The following ANKFN1 variants were observed in gnomAD, a reference collection of about 807,000 sequenced individuals.
The protein encoded by ANKFN1 is ankyrin repeat and fibronectin type III domain containing 1.
In ANKFN1, 74 loss-of-function variants were observed where a neutral mutation model predicts 108.7. The observed-to-expected ratio is 0.68, with a 90% CI of 0.56 to 0.83. The LOEUF is 0.83. ANKFN1 is among the 40% of genes least tolerant of loss of function. The probability of loss-of-function intolerance (pLI) is 0.00; values close to 1 mark genes in which losing one functional copy is unlikely to be tolerated. For missense variants in ANKFN1, 1,505 were observed against 1,382.3 expected (o/e 1.09, Z -1.41); for synonymous variants, 547 against 516.2 (o/e 1.06, Z -0.81).
intron 3 of ANKFN1, among the ~76,000 whole-genome samples, chr17:56,292,745 C>T (rs1005605328): frequency 1.3e-5 from 2 of 152,146 alleles, no homozygotes; most frequent in African/African-American, 4.8e-5. Context: ...AAAACCACTG[C>T]CATCTCACCT....
intron 4 of ANKFN1, among the ~76,000 whole-genome samples, chr17:56,103,131 C>T (rs952729355): frequency 2.6e-5 from 4 of 152,176 alleles, no homozygotes; most frequent in African/African-American, 9.7e-5. Flanking sequence ...ATGCTGACTG[C>T]AGTCGCCTTT....
intron 3 of ANKFN1, among the ~76,000 whole-genome samples, chr17:56,299,689 T>G (rs1288614071): frequency 6.6e-6 from 1 of 152,052 alleles, no homozygotes; most frequent in Non-Finnish European, 1.5e-5. Flanking sequence ...AGAATGGAGA[T>G]AGTTGTAGCA....
chr17:56,131,861 A>G (rs1431052083), intron 4 of ANKFN1, among the ~76,000 whole-genome samples: 1 of 152,160 alleles, frequency 6.6e-6, no homozygotes, highest in Non-Finnish European at 1.5e-5. Context: ...TGTCTCTAAG[A>G]ACAATTTCTT....
intron 4 of ANKFN1, among the ~76,000 whole-genome samples, chr17:56,101,789 T>G (rs1422586228): frequency 6.6e-6 from 1 of 152,194 alleles, no homozygotes; most frequent in Non-Finnish European, 1.5e-5. Flanking sequence ...GAGAAGCACA[T>G]GTTGACCAGT....
intron 1 of ANKFN1, among the ~76,000 whole-genome samples, chr17:56,182,967 C>G (rs766349765): frequency 1.3e-5 from 2 of 152,176 alleles, no homozygotes; most frequent in African/African-American, 2.4e-5. Context: ...GACAGCACAT[C>G]TGTTTACAGC....
At chr17:56,400,192 A>G (rs1242331383) in intron 8 of ANKFN1, among the ~76,000 whole-genome samples, 2 of 152,100 alleles carry the variant, frequency 1.3e-5, no homozygotes, top group Non-Finnish European at 2.9e-5. Flanking sequence ...ACTAGTTTAC[A>G]TTCCCATCAG....
At chr17:56,458,986 A>G (rs1327122361) in intron 14 of ANKFN1, among the ~76,000 whole-genome samples, 1 of 152,202 alleles carries the variant, frequency 6.6e-6, no homozygotes, top group Non-Finnish European at 1.5e-5. Context: ...TGCTATTACA[A>G]TTAATTCAGA....
intron 8 of ANKFN1, among the ~76,000 whole-genome samples, chr17:56,410,706 C>T (rs1332839173): frequency 6.6e-6 from 1 of 152,130 alleles, no homozygotes; most frequent in African/African-American, 2.4e-5. Context: ...TCTCCAGCCC[C>T]CACCACCGTC....
At chr17:56,331,413 C>G (rs143868155) in intron 4 of ANKFN1, among the ~76,000 whole-genome samples, 1 of 152,204 alleles carries the variant, frequency 6.6e-6, no homozygotes, top group East Asian at 1.9e-4. Flanking sequence ...AACTGCTTCT[C>G]ATCCAGACTG....
intron 3 of ANKFN1, among the ~76,000 whole-genome samples, chr17:56,275,609 G>A (rs1242512339): frequency 6.6e-6 from 1 of 152,186 alleles, no homozygotes; most frequent in Non-Finnish European, 1.5e-5. Flanking sequence ...AAAACGTATA[G>A]CAAGGAGACT....
intron 3 of ANKFN1, among the ~76,000 whole-genome samples, chr17:56,228,756 G>A (rs2143916416): frequency 6.6e-6 from 1 of 152,122 alleles, no homozygotes; most frequent in South Asian, 2.1e-4. Context: ...TAAGTTGCTT[G>A]TCACTAAGCA....
intron 4 of ANKFN1, among the ~76,000 whole-genome samples, chr17:56,126,570 CT>C (rs1467835109): frequency 6.6e-6 from 1 of 152,122 alleles, no homozygotes; most frequent in African/African-American, 2.4e-5. Flanking sequence ...ATGTCTATTA[CT>C]TTATTAAGGA....
rs754904385 is a variant in ANKFN1 at position 56,153,490 on chromosome 17, A to C, written c.-111A>C. 2 of 1,613,968 alleles carry C rather than the reference A, an allele frequency of 1.2e-6. No homozygotes were observed. Among genetic ancestry groups the C allele is most frequent in the East Asian group, 2.2e-5 (1 of 44,868 alleles). ...CCCCCAGGTCCTCTTTCAACTCAAG[A>C]GCTCAGTCCTGTGTCTCTCATGGAG... On this transcript the variant is annotated 5_prime_UTR_variant, in exon 1 of 21. Coordinates refer to ENST00000682825, the MANE Select transcript of ANKFN1 (RefSeq NM_001370326.1).
At chr17:56,506,603 AC>A (rs2051577309) in intron 20 of ANKFN1, among the ~76,000 whole-genome samples, 1 of 151,366 alleles carries the variant, frequency 6.6e-6, no homozygotes, top group Non-Finnish European at 1.5e-5. Flanking sequence ...GTTTTAAGCC[AC>A]CCAGTATGTG....
intron 3 of ANKFN1, among the ~76,000 whole-genome samples, chr17:56,264,516 C>T (rs549826776): frequency 4.6e-5 from 7 of 152,294 alleles, no homozygotes; most frequent in South Asian, 4.1e-4. Flanking sequence ...CTCTCTTTCC[C>T]TCCTTTTCTA....
chr17:56,238,963 T>C (rs1598288585), intron 3 of ANKFN1, among the ~76,000 whole-genome samples: 1 of 152,142 alleles, frequency 6.6e-6, no homozygotes, highest in Admixed American at 6.6e-5. Flanking sequence ...TTACAATTTT[T>C]AAAAAATCTG....
chr17:56,381,929 C>T (rs2047117385), intron 8 of ANKFN1, among the ~76,000 whole-genome samples: 1 of 152,136 alleles, frequency 6.6e-6, no homozygotes, highest in Admixed American at 6.5e-5. Context: ...TCAGGAAATA[C>T]AGAGAACGCC....
In ANKFN1 at chr17:56,413,722, C is replaced by CT. The variant is rs562419448; in HGVS notation, c.911-26595dup. 1.2e-4 allele frequency among the ~76,000 whole-genome samples: 18 copies of CT among 150,086 alleles called. No homozygotes were observed. The East Asian group carries it at 2.1e-3, about 18-fold the overall frequency. ...TCAGTTCTGTTTATGTGAAGAATCA[C>CT]TTTTTTTTTTCTTTTGAGATGGAGT... On this transcript the variant is annotated intron_variant, in intron 8 of 20. Transcript: ENST00000682825.
chr17:56,449,181 G>A lies in ANKFN1; in HGVS notation c.1202G>A (p.Cys401Tyr). Residue 401 changes from cysteine to tyrosine, a missense_variant, in exon 11 of 21, where the codon TGC (cysteine) becomes TAC (tyrosine). Cys to Tyr is a radical substitution (Grantham distance 194). Coordinates refer to ENST00000682825, the MANE Select transcript of ANKFN1 (RefSeq NM_001370326.1). ...QVRALHQHYS[C>Y]RESTKLQTTG... ...CGAGCCCTTCATCAGCATTACAGTT[G>A]CCGGGGTAAGGATAAAAATCTGTGC... is the stretch of plus-strand genomic sequence containing the variant. 1 of 1,612,896 alleles carries A rather than the reference G, an allele frequency of 6.2e-7. No homozygotes were observed. Among genetic ancestry groups the A allele is most frequent in the East Asian group, 2.2e-5 (1 of 44,838 alleles).
Sources: allele counts gnomAD v4.1 joint callset (sites outside exome capture counted in the v4.1 genomes callset), GRCh38; gene constraint gnomAD v4.1.1; transcripts MANE v1.5; gene names NCBI Gene and HGNC (gene_info 2026-07-23, HGNC 2026-07-21).